The following PTPRO variants were observed in gnomAD, a reference collection of about 807,000 sequenced individuals.
The protein encoded by PTPRO is protein tyrosine phosphatase receptor type O.
In PTPRO, 62 loss-of-function variants were observed where a neutral mutation model predicts 145.2. The observed-to-expected ratio is 0.43, with a 90% CI of 0.35 to 0.53. The LOEUF (loss-of-function observed/expected upper bound fraction) is 0.53. PTPRO is among the 20% of genes least tolerant of loss of function. The pLI is 0.01. For synonymous variants in PTPRO, 565 were observed against 514.7 expected (o/e 1.10, Z -1.32); for missense variants, 1,345 against 1,482.7 (o/e 0.91, Z 1.53).
chr12:15,512,978 A>C (rs1292407605), intron 7 of PTPRO, among the ~76,000 whole-genome samples: 1 of 151,644 alleles, frequency 6.6e-6, no homozygotes, highest in African/African-American at 2.4e-5. Context: ...TGGGCAACAC[A>C]GTGACAGAGC....
At position 15,425,292 on chromosome 12, in the gene PTPRO, A is replaced by G. The variant is rs544605189; in HGVS notation, c.76-58682A>G. Among the ~76,000 whole-genome samples the G allele has an allele frequency of 2.6e-4, 40 of 152,266 alleles. No individual in the cohort carries two copies. The East Asian group carries it at 7.5e-3, about 29-fold the overall frequency. On this transcript the variant is annotated intron_variant, in intron 1 of 26. Coordinates refer to ENST00000281171, the MANE Select transcript of PTPRO (RefSeq NM_030667.3). ...TTCTAATGTTTTTTTACAAATGTTA[A>G]CACATTTAATCTTCATAACAATCCT...
chr12:15,360,434 T>C (rs1938138173), intron 1 of PTPRO, among the ~76,000 whole-genome samples: 1 of 152,132 alleles, frequency 6.6e-6, no homozygotes, highest in African/African-American at 2.4e-5. Flanking sequence ...ATAATCATAA[T>C]GAATATCCAT....
intron 22 of PTPRO, 68 bp from the exon 23 acceptor site, chr12:15,581,611 C>G: frequency 1.3e-6 from 2 of 1,559,204 alleles, no homozygotes; most frequent in Non-Finnish European, 8.8e-7. Flanking sequence ...TTTGTTTTCC[C>G]TAAGTGAGCA....
intron 1 of PTPRO, among the ~76,000 whole-genome samples, chr12:15,360,890 G>GTGTTTATATACACACATATATACACACA (rs761462806): frequency 9.4e-6 from 1 of 106,926 alleles, no homozygotes; most frequent in Non-Finnish European, 2.1e-5. Context: ...ACATACACAT[G>GTGTTTATATACACACATATATACACACA]TGTATATACA....
chr12:15,380,873 A>T (rs1178628724), intron 1 of PTPRO, among the ~76,000 whole-genome samples: 2 of 152,280 alleles, frequency 1.3e-5, no homozygotes, highest in East Asian at 3.9e-4. Flanking sequence ...CTTAGAAAGA[A>T]CATTCAATAA....
At chr12:15,584,705 T>C (rs1435823812) in intron 23 of PTPRO, among the ~76,000 whole-genome samples, 2 of 152,220 alleles carry the variant, frequency 1.3e-5, no homozygotes, top group Non-Finnish European at 2.9e-5. Context: ...CCAAAGAACA[T>C]TGTGCTATGC....
intron 1 of PTPRO, among the ~76,000 whole-genome samples, chr12:15,349,756 T>C (rs1336293712): frequency 6.6e-6 from 1 of 152,126 alleles, no homozygotes; most frequent in Non-Finnish European, 1.5e-5. Flanking sequence ...CACTCTACCA[T>C]GGCAGGAACA....
chr12:15,350,284 C>T (rs1335817711), intron 1 of PTPRO, among the ~76,000 whole-genome samples: 2 of 152,156 alleles, frequency 1.3e-5, no homozygotes, highest in Non-Finnish European at 2.9e-5. Context: ...ACTGACAGTG[C>T]CAAGGGCTTT....
intron 1 of PTPRO, among the ~76,000 whole-genome samples, chr12:15,388,776 G>A (rs1939102527): frequency 6.6e-6 from 1 of 152,182 alleles, no homozygotes; most frequent in African/African-American, 2.4e-5. Flanking sequence ...CTCCGTAAGT[G>A]TTAACAGCAA....
chr12:15,546,641 A>C lies in PTPRO; in HGVS notation c.2237A>C (p.Glu746Ala). The C allele has an allele frequency of 6.2e-7, 1 of 1,613,906 alleles. No individual in the cohort carries two copies. Among genetic ancestry groups the C allele is most frequent in the Non-Finnish European group, 8.5e-7 (1 of 1,179,908 alleles). The change falls in exon 13 of 27, where the codon GAG becomes GCG. Residue 746 changes from glutamate to alanine, a missense_variant. This residue lies in a region of PTPRO where 1,130 missense variants were observed against 1,214.7 expected (regional missense o/e 0.93). Transcript: ENST00000281171. ...TCAGTGACTTTGCTGTGGGTGGAAG[A>C]GGGAGTAGCTGATTTCTTTGAAGTT... Reference protein sequence around the residue: ...QTSVTLLWVEEGVADFFEVFC... With the variant: ...QTSVTLLWVEAGVADFFEVFC...
chr12:15,406,105 G>C (rs1021481766), intron 1 of PTPRO, among the ~76,000 whole-genome samples: 1 of 152,176 alleles, frequency 6.6e-6, no homozygotes, highest in South Asian at 2.1e-4. Flanking sequence ...AGAAGTCAGT[G>C]ACAATGTTGG....
chr12:15,340,477 C>T (rs1431788728), intron 1 of PTPRO, among the ~76,000 whole-genome samples: 3 of 152,126 alleles, frequency 2.0e-5, no homozygotes, highest in Non-Finnish European at 4.4e-5. Context: ...CTTGCGGTTT[C>T]TTTTTTCTGT....
chr12:15,352,247 A>T (rs966246626), intron 1 of PTPRO, among the ~76,000 whole-genome samples: 1 of 152,210 alleles, frequency 6.6e-6, no homozygotes, highest in Non-Finnish European at 1.5e-5. Context: ...TATTTGATTG[A>T]CATTTTTAGA....
chr12:15,338,802 G>A (rs140052525), intron 1 of PTPRO, among the ~76,000 whole-genome samples: 21 of 152,218 alleles, frequency 1.4e-4, no homozygotes, highest in Non-Finnish European at 2.4e-4. Flanking sequence ...AAACAGGAGC[G>A]GAGTAGAGGA....
intron 1 of PTPRO, among the ~76,000 whole-genome samples, chr12:15,365,938 CTA>C (rs1938346450): frequency 6.6e-6 from 1 of 152,126 alleles, no homozygotes; most frequent in South Asian, 2.1e-4. Context: ...GCAATCATTG[CTA>C]GCAAACATAT....
intron 23 of PTPRO, among the ~76,000 whole-genome samples, chr12:15,582,698 G>A (rs1944346985): frequency 6.6e-6 from 1 of 152,110 alleles, no homozygotes; most frequent in African/African-American, 2.4e-5. Context: ...TGATTTAGTA[G>A]TTTGGGTTTT....
chr12:15,369,853 A>G (rs1241803287), intron 1 of PTPRO, among the ~76,000 whole-genome samples: 1 of 152,166 alleles, frequency 6.6e-6, no homozygotes, highest in Non-Finnish European at 1.5e-5. Context: ...GGAGTGCAAG[A>G]CCAGCCTAAC....
chr12:15,494,459 TGA>T (rs1288904579), intron 2 of PTPRO, among the ~76,000 whole-genome samples: 19 of 152,270 alleles, frequency 1.2e-4, no homozygotes, highest in African/African-American at 4.6e-4. Context: ...AGAAAGACAA[TGA>T]GAGAAGTCAC....
intron 1 of PTPRO, among the ~76,000 whole-genome samples, chr12:15,343,236 A>T (rs997346797): frequency 1.3e-5 from 2 of 152,086 alleles, no homozygotes; most frequent in African/African-American, 4.8e-5. Flanking sequence ...ATACAAGGTA[A>T]AAAGTTTATT....
Sources: allele counts gnomAD v4.1 joint callset (sites outside exome capture counted in the v4.1 genomes callset), GRCh38; gene constraint gnomAD v4.1.1; regional missense constraint gnomAD v4.1.1; transcripts MANE v1.5; gene names NCBI Gene and HGNC (gene_info 2026-07-23, HGNC 2026-07-21).